Variants in DERA observed in about 807,000 individuals in gnomAD.
DERA encodes the protein 2-deoxy-D-ribose 5-phosphate aldolase.
A neutral mutation model predicts 41.1 loss-of-function variants in DERA; 15 were observed. That is an observed-to-expected ratio of 0.37 (90% CI 0.24 to 0.56). The LOEUF is 0.56. Among genes scored for constraint, DERA ranks in the 20% least tolerant of loss-of-function variants. The probability of loss-of-function intolerance (pLI) is 0.81; values close to 1 mark genes in which losing one functional copy is unlikely to be tolerated. For synonymous variants in DERA, 139 were observed against 137.4 expected, an observed-to-expected ratio of 1.01 and a Z score of -0.08; for missense variants, 396 against 403.4, an observed-to-expected ratio of 0.98 and a Z score of 0.16.
rs1411454658 is a variant in DERA, at chr12:16,026,540, T to G, written c.638-6002T>G. 1.3e-5 allele frequency among the ~76,000 whole-genome samples: 2 copies of G among 150,874 alleles called. No homozygotes were observed. The highest frequency in any genetic ancestry group is 3.0e-5 in the Non-Finnish European group (2 of 67,660). ...AAGAAATTATTTAAATTTAATTTAA[T>G]TTCTTTTATAAAATATTTAATGTGA... On this transcript the variant is annotated intron_variant, in intron 6 of 8. Coordinates refer to ENST00000428559, the MANE Select transcript of DERA (RefSeq NM_015954.4). The surrounding 1 kb of genome is among the most constrained non-coding windows in gnomAD (Gnocchi z 4.4).
Position 15,941,293 on chromosome 12 carries a change from G to A in DERA, c.32-15643G>A, listed in dbSNP as rs1371189052. Among the ~76,000 whole-genome samples, 1 of 152,088 alleles carries A rather than the reference G, an allele frequency of 6.6e-6. No homozygotes were observed. Among genetic ancestry groups the A allele is most frequent in the African/African-American group, 2.4e-5 (1 of 41,408 alleles). On this transcript the variant is annotated intron_variant, in intron 1 of 8. Coordinates refer to ENST00000428559, the MANE Select transcript of DERA (RefSeq NM_015954.4). This position sits in a 1 kb window ranked among gnomAD's most constrained non-coding sequence, Gnocchi z 4.5. ...GGCTCAACTAGCTGCTATAGCAAATGGGTATAACAGAGACACAACAGTGTT... is the reference window on the plus strand; with the variant it reads ...GGCTCAACTAGCTGCTATAGCAAATAGGTATAACAGAGACACAACAGTGTT...
chr12:15,923,352 T>C (rs1274824802), intron 1 of DERA, among the ~76,000 whole-genome samples: 1 of 152,186 alleles, frequency 6.6e-6, no homozygotes, highest in Non-Finnish European at 1.5e-5. Flanking sequence ...AGACACAGAT[T>C]TCTGAAAACC....
At chr12:16,029,381 C>T (rs924296018) in intron 6 of DERA, among the ~76,000 whole-genome samples, 3 of 152,040 alleles carry the variant, frequency 2.0e-5, no homozygotes, top group Non-Finnish European at 4.4e-5. Context: ...GAGCCGAGAT[C>T]GCGCCACTGC....
At position 16,026,147 on chromosome 12, in the gene DERA, T is replaced by G. The variant is rs1365834877; in HGVS notation, c.638-6395T>G. On this transcript the variant is annotated intron_variant, in intron 6 of 8. Transcript: ENST00000428559. The surrounding 1 kb of genome is among the most constrained non-coding windows in gnomAD (Gnocchi z 4.4). Reference sequence around the variant, plus strand: ...TAGGAAAGTAGAAAAAGAAGAGCAATTTAAGCCTAAAGCAAACAGGAGGAA... The same window carrying G: ...TAGGAAAGTAGAAAAAGAAGAGCAAGTTAAGCCTAAAGCAAACAGGAGGAA... Among the ~76,000 whole-genome samples the G allele has an allele frequency of 6.6e-6, 1 of 151,826 alleles. No homozygotes were observed. The highest frequency in any genetic ancestry group is 6.6e-5 in the Admixed American group (1 of 15,250).
rs1165708836 is a variant in DERA, at chr12:15,922,532, A to G, written c.31+11118A>G. 6.6e-6 allele frequency among the ~76,000 whole-genome samples: 1 copy of G among 152,222 alleles called. No individual in the cohort carries two copies. Among genetic ancestry groups the G allele is most frequent in the Non-Finnish European group, 1.5e-5 (1 of 68,028 alleles). On this transcript the variant is annotated intron_variant, in intron 1 of 8. Transcript: ENST00000428559. This position sits in a 1 kb window ranked among gnomAD's most constrained non-coding sequence, Gnocchi z 4.9. ...AGCATGTAGAGTCTAGAAAATAGGC[A>G]TTGATGCTGATAATACTGAAGACCG...
At chr12:15,929,058 A>G (rs1014054985) in intron 1 of DERA, among the ~76,000 whole-genome samples, 2 of 152,202 alleles carry the variant, frequency 1.3e-5, no homozygotes, top group African/African-American at 4.8e-5. Flanking sequence ...CTTCGGGTTC[A>G]GCTGGGTCAG....
intron 1 of DERA, among the ~76,000 whole-genome samples, chr12:15,951,197 C>T (rs575883409): frequency 6.6e-6 from 1 of 152,316 alleles, no homozygotes; most frequent in Admixed American, 6.5e-5. Context: ...TATGGGTGGG[C>T]CAGAGCAGGC....
intron 5 of DERA, among the ~76,000 whole-genome samples, chr12:15,964,371 C>T (rs921753342): frequency 6.6e-6 from 1 of 152,166 alleles, no homozygotes; most frequent in Admixed American, 6.5e-5. Flanking sequence ...CCCCACTGCC[C>T]CCCAAGTTCC....
At chr12:15,980,367 G>A (rs982850652) in intron 5 of DERA, among the ~76,000 whole-genome samples, 3 of 152,218 alleles carry the variant, frequency 2.0e-5, no homozygotes, top group African/African-American at 7.2e-5. Flanking sequence ...CTATTTTGTG[G>A]AAGAAAATCA....
Position 15,966,268 on chromosome 12 carries a change from A to G in DERA, c.508+3321A>G, listed in dbSNP as rs1948622279. The stretch of plus-strand genomic sequence containing the variant: ...CACTTGAGGTTGGGAGTTTGAGACC[A>G]GCCTGGCCAACATGGCAAAACCCTA... On this transcript the variant is annotated intron_variant, in intron 5 of 8. Transcript: ENST00000428559. The surrounding 1 kb of genome is among the most constrained non-coding windows in gnomAD (Gnocchi z 5.1). Among the ~76,000 whole-genome samples the G allele has an allele frequency of 6.6e-6, 1 of 152,162 alleles. No individual in the cohort carries two copies. Among genetic ancestry groups the G allele is most frequent in the South Asian group, 2.1e-4 (1 of 4,828 alleles).
In DERA at chr12:15,982,293, TA is replaced by T. The variant is rs1239972384; in HGVS notation, c.509-14del. On this transcript the variant is annotated splice_polypyrimidine_tract_variant and intron_variant, in intron 5 of 8. Coordinates refer to ENST00000428559, the MANE Select transcript of DERA (RefSeq NM_015954.4). The surrounding 1 kb of genome is among the most constrained non-coding windows in gnomAD (Gnocchi z 4.0). The stretch of plus-strand genomic sequence containing the variant: ...TTGCCTGCTTTGTAACTGCCTCAAT[TA>T]TTTTCTTCCCCAGCCCTGTATGATG... 1 of 1,603,930 alleles carries T rather than the reference TA, an allele frequency of 6.2e-7. No individual in the cohort carries two copies. The highest frequency in any genetic ancestry group is 1.3e-5 in the African/African-American group (1 of 74,500).
intron 1 of DERA, among the ~76,000 whole-genome samples, chr12:15,927,166 A>T (rs933381892): frequency 2.0e-5 from 3 of 152,220 alleles, no homozygotes; most frequent in Admixed American, 2.0e-4. Flanking sequence ...CTTCATGAAG[A>T]TGGTAATACA....
chr12:15,925,327 T>C (rs1184412394), intron 1 of DERA, among the ~76,000 whole-genome samples: 1 of 152,202 alleles, frequency 6.6e-6, no homozygotes, highest in Non-Finnish European at 1.5e-5. Context: ...GTTCCTTAAG[T>C]TTTAATGCTT....
chr12:16,031,012 C>T (rs772735225), intron 6 of DERA, among the ~76,000 whole-genome samples: 7 of 152,232 alleles, frequency 4.6e-5, no homozygotes, highest in Non-Finnish European at 7.3e-5. Context: ...TGCTTCATTT[C>T]TCTTTGTATA....
rs1249576207 is a variant in DERA, at chr12:16,011,135, C to T, written c.638-21407C>T. 6.6e-6 allele frequency among the ~76,000 whole-genome samples: 1 copy of T among 152,142 alleles called. No homozygotes were observed. Among genetic ancestry groups the T allele is most frequent in the African/African-American group, 2.4e-5 (1 of 41,440 alleles). On this transcript the variant is annotated intron_variant, in intron 6 of 8. Transcript: ENST00000428559. The surrounding 1 kb of genome is among the most constrained non-coding windows in gnomAD (Gnocchi z 4.7). ...ATAGATTCCACACAAGCATACCTGA[C>T]TTTTAATGTTAATATATACTATATA...
intron 1 of DERA, among the ~76,000 whole-genome samples, chr12:15,920,749 T>G (rs1452479833): frequency 6.6e-6 from 1 of 152,170 alleles, no homozygotes; most frequent in East Asian, 1.9e-4. Context: ...GGCAGGAGAA[T>G]TGCTTGAACC....
Position 15,999,520 on chromosome 12 carries a change from G to A in DERA, c.637+17084G>A, listed in dbSNP as rs1948860741. ...AGTGGCATTTGTATAGAAGTTGTTAGGTGCAGATACAGAGAAAGGCATTTT... is the reference window on the plus strand; with the variant it reads ...AGTGGCATTTGTATAGAAGTTGTTAAGTGCAGATACAGAGAAAGGCATTTT... On this transcript the variant is annotated intron_variant, in intron 6 of 8. Transcript: ENST00000428559. The surrounding 1 kb of genome is among the most constrained non-coding windows in gnomAD (Gnocchi z 5.3). 6.6e-6 allele frequency among the ~76,000 whole-genome samples: 1 copy of A among 152,194 alleles called. No individual in the cohort carries two copies. Among genetic ancestry groups the A allele is most frequent in the African/African-American group, 2.4e-5 (1 of 41,440 alleles).
Position 15,982,534 on chromosome 12 carries a change from C to A in DERA, c.637+98C>A. The A allele has an allele frequency of 2.2e-6, 3 of 1,338,862 alleles. No individual in the cohort carries two copies. The highest frequency in any genetic ancestry group is 3.0e-6 in the Non-Finnish European group (3 of 994,062). 82.9% of individuals were successfully genotyped at this position (1,338,862 alleles called of 1,614,324 possible). A position where few individuals can be genotyped will look rare whatever the true frequency, so the allele number is the denominator to read the frequency against. On this transcript the variant is annotated intron_variant, in intron 6 of 8. Transcript: ENST00000428559. This position sits in a 1 kb window ranked among gnomAD's most constrained non-coding sequence, Gnocchi z 4.0. ...ATTTAGCTATTATTAAACGTGCTAA[C>A]CACTTGGAATTTTTTTGCGGGAGGA...
chr12:15,947,515 G>A (rs187367900), intron 1 of DERA, among the ~76,000 whole-genome samples: 20 of 152,156 alleles, frequency 1.3e-4, no homozygotes, highest in African/African-American at 4.1e-4. Flanking sequence ...TTTTGTCAGC[G>A]AATAGGATTG....
Sources: allele counts gnomAD v4.1 joint callset (sites outside exome capture counted in the v4.1 genomes callset), GRCh38; gene constraint gnomAD v4.1.1; non-coding constraint Gnocchi (gnomAD v3.1); transcripts MANE v1.5; gene names NCBI Gene and HGNC (gene_info 2026-07-23, HGNC 2026-07-21).